The following PALLD variants were observed in gnomAD, a reference collection of about 807,000 sequenced individuals.
The protein encoded by PALLD is palladin.
PALLD carries 61 observed loss-of-function variants against 123.5 expected under a neutral mutation model. The observed-to-expected ratio is 0.49, with a 90% CI of 0.40 to 0.61. PALLD has a LOEUF of 0.61. PALLD is among the 20% of genes least tolerant of loss of function. The pLI, the probability that PALLD is intolerant of heterozygous loss-of-function variation, is 0.00. For missense variants in PALLD, 1,273 were observed against 1,377.0 expected (o/e 0.92, Z 1.20); for synonymous variants, 465 against 496.4 (o/e 0.94, Z 0.84).
chr4:168,575,716 G>A (rs1769500194), intron 2 of PALLD, among the ~76,000 whole-genome samples: 2 of 152,054 alleles, frequency 1.3e-5, no homozygotes, highest in Admixed American at 6.6e-5. Context: ...TGAATCACCT[G>A]GAAATCTTGT....
At chr4:168,501,222 G>A (rs973679767) in intron 1 of PALLD, among the ~76,000 whole-genome samples, 1 of 152,008 alleles carries the variant, frequency 6.6e-6, no homozygotes, top group Non-Finnish European at 1.5e-5. Flanking sequence ...GACAATACTG[G>A]GCAATGAAAG....
At chr4:168,783,044 A>ATGTGTG (rs373278434) in intron 10 of PALLD, among the ~76,000 whole-genome samples, 885 of 82,238 alleles carry the variant, frequency 0.011, 7 homozygotes, top group African/African-American at 0.025. Context: ...TTTTATATAT[A>ATGTGTG]TATGTGTGTG....
rs560074144 is a variant in PALLD, at chr4:168,565,666, G to A, written c.908+53254G>A. Among the ~76,000 whole-genome samples the A allele has an allele frequency of 7.2e-5, 11 of 152,176 alleles. No homozygotes were observed. In the South Asian group the frequency reaches 2.1e-3, roughly 29 times the overall value. On this transcript the variant is annotated intron_variant, in intron 2 of 21. Transcript: ENST00000505667. ...AAACACAGGTGCAGATTTACACTCC[G>A]AGAAGACCACTCCTAGAAGCTCAAT... is the stretch of plus-strand genomic sequence containing the variant.
At chr4:168,776,055 T>C (rs1377090508) in intron 10 of PALLD, among the ~76,000 whole-genome samples, 1 of 152,224 alleles carries the variant, frequency 6.6e-6, no homozygotes, top group Admixed American at 6.5e-5. Flanking sequence ...AATCAGCTTG[T>C]CAATTTTTAC....
intron 2 of PALLD, among the ~76,000 whole-genome samples, chr4:168,588,816 A>T (rs1771111162): frequency 6.6e-6 from 1 of 150,422 alleles, no homozygotes; most frequent in Non-Finnish European, 1.5e-5. Flanking sequence ...GTTTAAAAAA[A>T]TAGCCGTGTT....
intron 10 of PALLD, among the ~76,000 whole-genome samples, chr4:168,889,166 G>GTGTGTGTGTGT (rs567772815): frequency 5.0e-4 from 69 of 137,928 alleles, no homozygotes; most frequent in South Asian, 9.0e-4. Context: ...GTGTGTGTGT[G>GTGTGTGTGTGT]GTTTTTTTTT....
chr4:168,717,960 G>A (rs1332702581), intron 10 of PALLD, among the ~76,000 whole-genome samples: 1 of 152,154 alleles, frequency 6.6e-6, no homozygotes, highest in Non-Finnish European at 1.5e-5. Context: ...TCACTCTCTA[G>A]TACATACTTG....
chr4:168,566,954 C>T (rs1425937016), intron 2 of PALLD, among the ~76,000 whole-genome samples: 2 of 152,094 alleles, frequency 1.3e-5, no homozygotes, highest in African/African-American at 4.8e-5. Flanking sequence ...TCAAAACTTC[C>T]TCAGGAAACA....
intron 4 of PALLD, 25 bp downstream of exon 4, chr4:168,681,423 T>C: frequency 6.9e-7 from 1 of 1,455,898 alleles, no homozygotes; most frequent in Non-Finnish European, 9.6e-7. Flanking sequence ...TTCCATCGAT[T>C]ATGTGGAAAC....
chr4:168,516,614 A>G (rs1323886970), intron 2 of PALLD, among the ~76,000 whole-genome samples: 2 of 152,196 alleles, frequency 1.3e-5, no homozygotes, highest in Admixed American at 1.3e-4. Context: ...AAAATCATTC[A>G]TTAGTCATGG....
chr4:168,581,137 A>G lies in PALLD; in HGVS notation c.908+68725A>G, dbSNP rs143904619. Among the ~76,000 whole-genome samples, 124 of 152,140 alleles carry G rather than the reference A, an allele frequency of 8.2e-4. 1 individual carries two copies. The East Asian group carries it at 0.021, about 26-fold the overall frequency. On this transcript the variant is annotated intron_variant, in intron 2 of 21. Transcript: ENST00000505667. ...CCCCTGCACCTAAAATAAAAGTTACAATATTAAAAAAAAATACCCAGATCC... is the reference window on the plus strand; with the variant it reads ...CCCCTGCACCTAAAATAAAAGTTACGATATTAAAAAAAAATACCCAGATCC...
At chr4:168,559,481 A>T (rs950814015) in intron 2 of PALLD, among the ~76,000 whole-genome samples, 2 of 152,238 alleles carry the variant, frequency 1.3e-5, no homozygotes, top group Non-Finnish European at 2.9e-5. Flanking sequence ...TTATATCAAA[A>T]TTCAAACATA....
At chr4:168,505,441 A>T (rs1051347896) in intron 1 of PALLD, among the ~76,000 whole-genome samples, 1 of 152,242 alleles carries the variant, frequency 6.6e-6, no homozygotes, top group African/African-American at 2.4e-5. Flanking sequence ...GCTCCTTGTG[A>T]AGTTTTAAAA....
Position 168,502,057 on chromosome 4 carries a change from C to CAG in PALLD, c.-83+4867_-83+4868dup, listed in dbSNP as rs1000239699. 1.2e-4 allele frequency among the ~76,000 whole-genome samples: 19 copies of CAG among 152,196 alleles called. No homozygotes were observed. The South Asian group carries it at 2.9e-3, about 23-fold the overall frequency. ...TTCTTAGAATCTTAACTCCCTAGGA[C>CAG]AGAGAATCTATCTTCTTTCCAGCTA... On this transcript the variant is annotated intron_variant, in intron 1 of 21. Transcript: ENST00000505667.
chr4:168,889,138 T>TTGTG (rs143065658), intron 10 of PALLD, among the ~76,000 whole-genome samples: 2,487 of 132,214 alleles, frequency 0.019, 61 homozygotes, highest in African/African-American at 0.058. Flanking sequence ...TTGCTTTATT[T>TTGTG]TGTGTGTGTG....
chr4:168,512,755 G>A (rs1190316710), intron 2 of PALLD, among the ~76,000 whole-genome samples: 2 of 152,184 alleles, frequency 1.3e-5, no homozygotes, highest in Admixed American at 1.3e-4. Context: ...AAAAGTGTGT[G>A]TATATTTGAA....
chr4:168,639,737 G>T (rs992590262), intron 2 of PALLD, among the ~76,000 whole-genome samples: 2 of 151,890 alleles, frequency 1.3e-5, no homozygotes, highest in Non-Finnish European at 1.5e-5. Flanking sequence ...GTAGAGACGG[G>T]GTTTCACCGT....
intron 2 of PALLD, among the ~76,000 whole-genome samples, chr4:168,554,102 GC>G (rs1433276854): frequency 6.6e-6 from 1 of 152,182 alleles, no homozygotes; most frequent in Non-Finnish European, 1.5e-5. Context: ...CTGGTTCAAT[GC>G]CGGACATCCT....
chr4:168,508,675 AAC>A (rs1467811050), intron 1 of PALLD, among the ~76,000 whole-genome samples: 1 of 152,242 alleles, frequency 6.6e-6, no homozygotes, highest in African/African-American at 2.4e-5. Context: ...ACAAATAAAA[AAC>A]ACAGTAGCTT....
Sources: allele counts gnomAD v4.1 joint callset (sites outside exome capture counted in the v4.1 genomes callset), GRCh38; gene constraint gnomAD v4.1.1; transcripts MANE v1.5; gene names NCBI Gene and HGNC (gene_info 2026-07-23, HGNC 2026-07-21).